SESN1: variants seen among roughly 807,000 people sequenced by gnomAD.
The protein encoded by SESN1 is sestrin-1.
In SESN1, 30 loss-of-function variants were observed where a neutral mutation model predicts 59.3. That is an observed-to-expected ratio of 0.51 (90% CI 0.38 to 0.69). The LOEUF is 0.69. SESN1 is among the 30% of genes least tolerant of loss of function. The probability of loss-of-function intolerance (pLI) is 0.00; values close to 1 mark genes in which losing one functional copy is unlikely to be tolerated. For synonymous variants in SESN1, 197 were observed against 219.9 expected (o/e 0.90, Z 0.92); for missense variants, 566 against 673.0 (o/e 0.84, Z 1.76).
chr6:109,054,733 T>C (rs1456559029), intron 1 of SESN1, among the ~76,000 whole-genome samples: 1 of 152,054 alleles, frequency 6.6e-6, no homozygotes, highest in South Asian at 2.1e-4. Context: ...CTTTTTCTTA[T>C]GATTTTATGA....
intron 1 of SESN1, among the ~76,000 whole-genome samples, chr6:109,086,325 C>A (rs1469724215): frequency 1.3e-5 from 2 of 152,170 alleles, no homozygotes; most frequent in African/African-American, 4.8e-5. Flanking sequence ...GCACTCCAGC[C>A]TGGGCAACAG....
At chr6:109,070,274 A>G (rs965735535) in intron 1 of SESN1, among the ~76,000 whole-genome samples, 1 of 152,208 alleles carries the variant, frequency 6.6e-6, no homozygotes, top group African/African-American at 2.4e-5. Context: ...GGACTAGGGC[A>G]TGTGCCCACC....
At chr6:109,070,137 G>C (rs145259448) in intron 1 of SESN1, among the ~76,000 whole-genome samples, 1 of 151,902 alleles carries the variant, frequency 6.6e-6, no homozygotes, top group East Asian at 1.9e-4. Flanking sequence ...ATACTTTCAC[G>C]TGATTTGAAT....
At chr6:109,077,283 C>CA (rs1173683779) in intron 1 of SESN1, among the ~76,000 whole-genome samples, 2 of 151,768 alleles carry the variant, frequency 1.3e-5, no homozygotes, top group Admixed American at 6.6e-5. Context: ...AAAGCAAAAA[C>CA]AAAAAAACCA....
At chr6:109,047,378 G>C (rs1368028141) in intron 1 of SESN1, among the ~76,000 whole-genome samples, 1 of 82,722 alleles carries the variant, frequency 1.2e-5, no homozygotes. Flanking sequence ...CAGCCGCCCC[G>C]TCCGGGAGGT....
chr6:109,057,149 G>A (rs1583289897), intron 1 of SESN1, among the ~76,000 whole-genome samples: 1 of 152,198 alleles, frequency 6.6e-6, no homozygotes, highest in South Asian at 2.1e-4. Flanking sequence ...TATCTTGACT[G>A]CAACCTCATA....
rs369550796 is a variant in SESN1 at position 109,036,169 on chromosome 6, G to A, written c.280-33826C>T. Among the ~76,000 whole-genome samples the A allele has an allele frequency of 3.9e-5, 6 of 152,246 alleles. No individual in the cohort carries two copies. In the South Asian group the frequency reaches 1.2e-3, roughly 32 times the overall value. ...TCATCAGAATGGGGAGGGAGGGAGTGTTGTTGGAATTCTCAGTTAAAATTT... is the reference window on the plus strand; with the variant it reads ...TCATCAGAATGGGGAGGGAGGGAGTATTGTTGGAATTCTCAGTTAAAATTT... On this transcript the variant is annotated intron_variant, in intron 1 of 9. Coordinates refer to ENST00000436639, the MANE Select transcript of SESN1 (RefSeq NM_014454.3).
intron 1 of SESN1, among the ~76,000 whole-genome samples, chr6:109,031,551 C>A (rs1014074768): frequency 1.5e-4 from 23 of 152,106 alleles, no homozygotes; most frequent in African/African-American, 5.6e-4. Flanking sequence ...GAAGTCACTG[C>A]GTTGGAGAAC....
intron 1 of SESN1, among the ~76,000 whole-genome samples, chr6:109,022,844 T>C (rs893909184): frequency 6.6e-6 from 1 of 152,194 alleles, no homozygotes; most frequent in Non-Finnish European, 1.5e-5. Flanking sequence ...TCAAGGGGCC[T>C]GAGTAAAGGT....
Position 109,002,362 on chromosome 6 carries a change from C to T in SESN1, c.280-19G>A. The T allele has an allele frequency of 6.2e-7, 1 of 1,603,760 alleles. No individual in the cohort carries two copies. Among genetic ancestry groups the T allele is most frequent in the Non-Finnish European group, 8.5e-7 (1 of 1,170,948 alleles). ...CAAGTTCCTAGAAAAGAAAATTACA[C>T]CATCTCAGGCCTTTGGCAGTAAACA... On this transcript the variant is annotated intron_variant, in intron 1 of 9. Transcript: ENST00000436639.
rs749194519 is a variant in SESN1 at position 109,093,937 on chromosome 6, G to GGT, written c.135_136dup (p.Pro46HisfsTer18). On this transcript the variant is annotated frameshift_variant, in exon 1 of 10. Transcript: ENST00000436639. LOFTEE classifies it high-confidence loss of function. ...TGAAAGCCCGTCTGATGGACGATGAGGTGTTTCTTTCACCGAACGAAGATA... is the reference window on the plus strand; with the variant it reads ...TGAAAGCCCGTCTGATGGACGATGAGGTGTGTTTCTTTCACCGAACGAAGATA... 2 of 1,614,166 alleles carry GGT rather than the reference G, an allele frequency of 1.2e-6. No homozygotes were observed. The highest frequency in any genetic ancestry group is 1.7e-6 in the Non-Finnish European group (2 of 1,180,038).
intron 1 of SESN1, among the ~76,000 whole-genome samples, chr6:109,086,087 G>A (rs1007865139): frequency 4.0e-4 from 61 of 152,124 alleles, no homozygotes; most frequent in African/African-American, 1.4e-3. Context: ...GGCCGGGCAC[G>A]GTGGCTCACA....
intron 1 of SESN1, among the ~76,000 whole-genome samples, chr6:109,047,764 G>T (rs1436894134): frequency 6.9e-6 from 1 of 144,582 alleles, no homozygotes. Flanking sequence ...AAATTCTTCT[G>T]CCTTGGGATC....
At chr6:109,020,329 G>T (rs1779991094) in intron 1 of SESN1, among the ~76,000 whole-genome samples, 1 of 152,030 alleles carries the variant, frequency 6.6e-6, no homozygotes. Context: ...GTGATTATTT[G>T]TTTCATCTTT....
At chr6:109,069,796 A>T (rs1364904065) in intron 1 of SESN1, among the ~76,000 whole-genome samples, 1 of 152,024 alleles carries the variant, frequency 6.6e-6, no homozygotes, top group African/African-American at 2.4e-5. Context: ...GGCCTCAAGA[A>T]ATCCTCCTGC....
chr6:109,021,483 A>T (rs1370326309), intron 1 of SESN1, among the ~76,000 whole-genome samples: 1 of 151,248 alleles, frequency 6.6e-6, no homozygotes, highest in African/African-American at 2.4e-5. Flanking sequence ...GCACTCCCAG[A>T]CTGGAGTGCA....
At chr6:109,023,139 T>A (rs902803199) in intron 1 of SESN1, among the ~76,000 whole-genome samples, 7 of 152,202 alleles carry the variant, frequency 4.6e-5, no homozygotes, top group African/African-American at 1.4e-4. Flanking sequence ...TTCTATAACA[T>A]CTCTCAATAT....
Position 109,094,214 on chromosome 6 carries a change from G to C in SESN1, c.-141C>G. ...GAAAACACACATCTGGGTGACATTT[G>C]GAACCACTGGTGCCTTCAGCCGATC... On this transcript the variant is annotated 5_prime_UTR_variant, in exon 1 of 10. Transcript: ENST00000436639. The C allele has an allele frequency of 1.1e-6, 1 of 899,212 alleles. No homozygotes were observed. The highest frequency in any genetic ancestry group is 1.7e-6 in the Non-Finnish European group (1 of 601,576). 55.7% of individuals were successfully genotyped at this position (899,212 alleles called of 1,614,324 possible).
chr6:109,030,529 T>C (rs1268456567), intron 1 of SESN1, among the ~76,000 whole-genome samples: 5 of 152,104 alleles, frequency 3.3e-5, no homozygotes, highest in South Asian at 4.1e-4. Context: ...AGTTACTTTA[T>C]CCATAAGTTT....
Sources: gnomAD v4.1 joint callset for allele counts (sites outside exome capture counted in the v4.1 genomes callset) on GRCh38, gnomAD v4.1.1 for gene constraint, MANE v1.5 for transcripts, NCBI Gene and HGNC (gene_info 2026-07-23, HGNC 2026-07-21) for gene names.